KIF16B: variants seen among roughly 807,000 people sequenced by gnomAD.
KIF16B encodes the protein kinesin-like protein KIF16B.
Under a neutral mutation model 156.3 loss-of-function variants are expected in KIF16B, and 98 were observed. The observed-to-expected ratio is 0.63, with a 90% CI of 0.53 to 0.74. The LOEUF (loss-of-function observed/expected upper bound fraction) is 0.74, where lower values mean the gene tolerates loss of function less well. KIF16B is among the 30% of genes least tolerant of loss of function. KIF16B has a pLI of 0.00. For missense variants in KIF16B, 1,421 were observed against 1,606.5 expected, an observed-to-expected ratio of 0.88 and a Z score of 1.97; for synonymous variants, 564 against 583.7, an observed-to-expected ratio of 0.97 and a Z score of 0.49.
At chr20:16,363,488 T>C (rs1335899052) in intron 22 of KIF16B, among the ~76,000 whole-genome samples, 1 of 152,198 alleles carries the variant, frequency 6.6e-6, no homozygotes, top group Admixed American at 6.5e-5. Context: ...TAATTGCCGG[T>C]CCTAATTCTT....
chr20:16,297,697 GA>G (rs35929179), intron 25 of KIF16B, among the ~76,000 whole-genome samples: 19,795 of 103,866 alleles, frequency 0.19, 1,407 homozygotes, highest in Non-Finnish European at 0.21. Context: ...CTCCATCTCA[GA>G]AAAAAAAAAA....
chr20:16,434,311 A>C (rs1028492623), intron 12 of KIF16B, among the ~76,000 whole-genome samples: 7 of 152,158 alleles, frequency 4.6e-5, no homozygotes, highest in African/African-American at 1.7e-4. Context: ...CGTGGGAAGA[A>C]GACCACAGGA....
chr20:16,374,186 T>C, intron 20 of KIF16B, 71 bp downstream of exon 20: 2 of 1,399,742 alleles, frequency 1.4e-6, no homozygotes, highest in Admixed American at 2.5e-5. Flanking sequence ...TACAAAGTAG[T>C]TCAACAGAGA....
intron 12 of KIF16B, among the ~76,000 whole-genome samples, chr20:16,460,266 T>C (rs1010586555): frequency 6.6e-6 from 1 of 152,154 alleles, no homozygotes; most frequent in Non-Finnish European, 1.5e-5. Context: ...ATAGAGCATA[T>C]CTAAGCTTTA....
At chr20:16,500,301 T>C (rs977869572) in intron 10 of KIF16B, among the ~76,000 whole-genome samples, 1 of 152,218 alleles carries the variant, frequency 6.6e-6, no homozygotes, top group Non-Finnish European at 1.5e-5. Flanking sequence ...TTCTATGGAT[T>C]GTGTTCACGT....
intron 12 of KIF16B, among the ~76,000 whole-genome samples, chr20:16,440,533 GCACA>G (rs71192333): frequency 0.11 from 14,474 of 137,690 alleles, 838 homozygotes; most frequent in African/African-American, 0.12. Context: ...ACAAGCGCGC[GCACA>G]CACACACACA....
chr20:16,570,073 C>G (rs896766147), intron 1 of KIF16B, among the ~76,000 whole-genome samples: 1 of 152,122 alleles, frequency 6.6e-6, no homozygotes, highest in Non-Finnish European at 1.5e-5. Flanking sequence ...TACCTTGGAA[C>G]TCTTTTAAGA....
intron 1 of KIF16B, among the ~76,000 whole-genome samples, chr20:16,540,326 G>A (rs1047184778): frequency 7.5e-5 from 11 of 147,450 alleles, no homozygotes; most frequent in Non-Finnish European, 1.4e-4. Flanking sequence ...AGGGCTTCAG[G>A]GGATGAGAAA....
Position 16,388,753 on chromosome 20 carries a change from G to T in KIF16B, c.1785-7006C>A, listed in dbSNP as rs2065286352. Among the ~76,000 whole-genome samples the T allele has an allele frequency of 2.0e-5, 3 of 152,116 alleles. No individual in the cohort carries two copies. In the East Asian group the frequency reaches 5.8e-4, roughly 29 times the overall value. On this transcript the variant is annotated intron_variant, in intron 17 of 25. Transcript: ENST00000354981. ...ATCGGCAATAAAAAAATGAGGGGGT[G>T]GGAATTTCTCAGCTTATACCATAAA...
Position 16,371,718 on chromosome 20 carries a change from C to G in KIF16B, c.3394G>C (p.Asp1132His), listed in dbSNP as rs375035068. 2 of 1,613,952 alleles carry G rather than the reference C, an allele frequency of 1.2e-6. No individual in the cohort carries two copies. The highest frequency in any genetic ancestry group is 1.7e-6 in the Non-Finnish European group (2 of 1,179,958). The stretch of plus-strand genomic sequence containing the variant: ...CCTTCACTAATCACACGATGCAAAT[C>G]CTGAAGGCGTCTTTGGACTTCTTCT... ...IEEEVQRRLQ[D>H]LHRVISEGCS... is the part of the protein sequence containing the mutation. Residue 1132 changes from aspartate (D) to histidine (H), a missense_variant, in exon 21 of 26, where the codon GAT becomes CAT. Transcript: ENST00000354981.
At chr20:16,280,841 C>CGCGCGCGT (rs112026824) in intron 25 of KIF16B, among the ~76,000 whole-genome samples, 1 of 74,434 alleles carries the variant, frequency 1.3e-5, no homozygotes, top group African/African-American at 5.0e-5. Flanking sequence ...TGCGCGCGCA[C>CGCGCGCGT]GTGTGTGTGT....
At chr20:16,278,655 TA>T (rs1323482099) in intron 25 of KIF16B, among the ~76,000 whole-genome samples, 1 of 152,170 alleles carries the variant, frequency 6.6e-6, no homozygotes, top group African/African-American at 2.4e-5. Flanking sequence ...ACATGATGTT[TA>T]AAATCTCCCC....
chr20:16,296,077 C>A (rs565189853), intron 25 of KIF16B, among the ~76,000 whole-genome samples: 1 of 152,270 alleles, frequency 6.6e-6, no homozygotes, highest in South Asian at 2.1e-4. Context: ...CCCTGTTGTG[C>A]CACAGCATCT....
chr20:16,501,645 T>C (rs2068629607), intron 10 of KIF16B, among the ~76,000 whole-genome samples: 2 of 152,166 alleles, frequency 1.3e-5, no homozygotes, highest in African/African-American at 4.8e-5. Flanking sequence ...CTTTGCATGA[T>C]GGAAGACAAC....
chr20:16,307,159 A>G (rs888122848), intron 25 of KIF16B, among the ~76,000 whole-genome samples: 2 of 152,120 alleles, frequency 1.3e-5, no homozygotes, highest in African/African-American at 4.8e-5. Context: ...TTACTTCCAA[A>G]AGTGATTGTA....
At chr20:16,466,324 CA>C (rs2067489166) in intron 12 of KIF16B, among the ~76,000 whole-genome samples, 3 of 152,184 alleles carry the variant, frequency 2.0e-5, no homozygotes, top group Non-Finnish European at 2.9e-5. Flanking sequence ...AGTGAGGTTA[CA>C]AGGCAAATGG....
chr20:16,550,253 A>G (rs1245396947), intron 1 of KIF16B, among the ~76,000 whole-genome samples: 1 of 149,510 alleles, frequency 6.7e-6, no homozygotes, highest in African/African-American at 2.5e-5. Flanking sequence ...AAAAATGCTC[A>G]TCATCACTGG....
At chr20:16,556,326 C>T (rs1452042459) in intron 1 of KIF16B, among the ~76,000 whole-genome samples, 1 of 152,246 alleles carries the variant, frequency 6.6e-6, no homozygotes, top group African/African-American at 2.4e-5. Flanking sequence ...ACCGCTCTGC[C>T]ATGAACCAAC....
intron 12 of KIF16B, among the ~76,000 whole-genome samples, chr20:16,468,322 A>G (rs2067553688): frequency 6.6e-6 from 1 of 152,188 alleles, no homozygotes; most frequent in Non-Finnish European, 1.5e-5. Context: ...CTGTAATCCC[A>G]GCACTTTGGG....
Sources: gnomAD v4.1 joint callset for allele counts (sites outside exome capture counted in the v4.1 genomes callset) on GRCh38, gnomAD v4.1.1 for gene constraint, MANE v1.5 for transcripts, NCBI Gene and HGNC (gene_info 2026-07-23, HGNC 2026-07-21) for gene names.